The following RFK variants were observed in gnomAD, a reference collection of about 807,000 sequenced individuals.
The protein encoded by RFK is 0610038L10Rik.
Under a neutral mutation model 17.6 loss-of-function variants are expected in RFK, and 4 were observed. The observed-to-expected ratio is 0.23, with a 90% CI of 0.11 to 0.52. The LOEUF (loss-of-function observed/expected upper bound fraction) is 0.52. Ranked by LOEUF, RFK falls within the 20% of genes least tolerant of loss-of-function variation. The pLI, the probability that RFK is intolerant of heterozygous loss-of-function variation, is 0.96. For synonymous variants in RFK, 59 were observed against 63.8 expected (o/e 0.92, Z 0.36); for missense variants, 189 against 187.7 (o/e 1.01, Z -0.04).
chr9:76,392,623 G>A lies in RFK; in HGVS notation c.83-54C>T, dbSNP rs183357325. ...CTTACAAATTTCGTATTAAATGCCT[G>A]TAGCCGAGTGCAGTGGCTCATGTCT... On this transcript the variant is annotated intron_variant, in intron 1 of 3. Coordinates refer to ENST00000376736, the MANE Select transcript of RFK (RefSeq NM_018339.6). The A allele has an allele frequency of 8.6e-4, 1,342 of 1,564,700 alleles. 5 individuals are homozygous for A. Among genetic ancestry groups the A allele is most frequent in the Non-Finnish European group, 1.0e-3 (1,137 of 1,139,414 alleles).
At chr9:76,391,936 T>C (rs1336661976) in intron 2 of RFK, among the ~76,000 whole-genome samples, 8 of 145,488 alleles carry the variant, frequency 5.5e-5, no homozygotes, top group Non-Finnish European at 1.2e-4. Context: ...ACCCCATCTT[T>C]AAAAAAAAAA....
intron 1 of RFK, among the ~76,000 whole-genome samples, chr9:76,393,000 T>C (rs1439467590): frequency 7.8e-4 from 119 of 152,300 alleles, no homozygotes; most frequent in Non-Finnish European, 1.5e-5. Context: ...CCTGTAAGTA[T>C]CAATCCCATC....
rs1479713037 is a variant in RFK at position 76,387,391 on chromosome 9, A to AT, written c.*7dup. 1 of 1,600,806 alleles carries AT rather than the reference A, an allele frequency of 6.2e-7. No individual in the cohort carries two copies. Among genetic ancestry groups the AT allele is most frequent in the Non-Finnish European group, 8.5e-7 (1 of 1,173,540 alleles). On this transcript the variant is annotated 3_prime_UTR_variant, in exon 4 of 4. Coordinates refer to ENST00000376736, the MANE Select transcript of RFK (RefSeq NM_018339.6). ...AAACAGTGAATGAATAAATAATACA[A>AT]TTTTTCATCAGTGGCCATTCATTAT...
At chr9:76,387,552 A>G in intron 3 of RFK, 23 bp from the exon 4 acceptor site, 2 of 1,586,082 alleles carry the variant, frequency 1.3e-6, no homozygotes, top group Non-Finnish European at 1.7e-6. Flanking sequence ...TATACCAGGT[A>G]AAAATGATGA....
Position 76,386,822 on chromosome 9 carries a change from C to T in RFK, c.*577G>A, listed in dbSNP as rs1822739274. 2 of 152,122 alleles carry T rather than the reference C, an allele frequency of 1.3e-5. No homozygotes were observed. The highest frequency in any genetic ancestry group is 4.8e-5 in the African/African-American group (2 of 41,420). 9.4% of individuals were successfully genotyped at this position (152,122 alleles called of 1,614,324 possible). ...CAAAAATAGAAAGTCTGAGTTTCTT[C>T]CCCGCAGGTTTATGATAAACTATCA... On this transcript the variant is annotated 3_prime_UTR_variant, in exon 4 of 4. Transcript: ENST00000376736.
chr9:76,389,658 G>A (rs1822791095), intron 2 of RFK, among the ~76,000 whole-genome samples: 1 of 152,070 alleles, frequency 6.6e-6, no homozygotes, highest in African/African-American at 2.4e-5. Flanking sequence ...CTACTCAGGA[G>A]GCTGAGGCAG....
At chr9:76,390,688 T>C (rs1243480050) in intron 2 of RFK, among the ~76,000 whole-genome samples, 3 of 140,340 alleles carry the variant, frequency 2.1e-5, no homozygotes, top group African/African-American at 7.9e-5. Flanking sequence ...AACAAAACTC[T>C]GTTCTTCAAC....
intron 3 of RFK, chr9:76,388,276 C>G (rs1259606156): frequency 1.8e-6 from 1 of 555,780 alleles, no homozygotes; most frequent in Non-Finnish European, 3.4e-6. Flanking sequence ...TGGAGAGAAG[C>G]AGCCAGCCTG....
At position 76,388,652 on chromosome 9, in the gene RFK, G is replaced by A. The variant is rs1822775532; in HGVS notation, c.239C>T (p.Thr80Ile). The stretch of plus-strand genomic sequence containing the variant: ...CTCTTTGAAGGTATGCATGATATGT[G>A]TTTCCTATAGTCAAGAAATGTTACA... Reference protein sequence around the residue: ...YYKNTKKSMETHIMHTFKEDF... With the variant: ...YYKNTKKSMEIHIMHTFKEDF... Residue 80 changes from threonine to isoleucine, a missense_variant, in exon 3 of 4, where the codon ACA becomes ATA. By Grantham distance (89) the Thr-to-Ile change is moderately conservative. Around this residue, in one of 3 missense-constraint regions of RFK, gnomAD observed 95 missense variants for 95.7 expected, o/e 0.99. Coordinates refer to ENST00000376736, the MANE Select transcript of RFK (RefSeq NM_018339.6). 2 of 1,583,486 alleles carry A rather than the reference G, an allele frequency of 1.3e-6. No homozygotes were observed. The highest frequency in any genetic ancestry group is 1.7e-6 in the Non-Finnish European group (2 of 1,152,880).
rs1196806058 is a variant in RFK, at chr9:76,385,990, A to G, written c.*1409T>C. On this transcript the variant is annotated 3_prime_UTR_variant, in exon 4 of 4. Coordinates refer to ENST00000376736, the MANE Select transcript of RFK (RefSeq NM_018339.6). Reference sequence around the variant, plus strand: ...ATGTTTTTCTGAGTACTTTTTACACAGAATATTTTTATTAAAATCAGTTCT... The same window carrying G: ...ATGTTTTTCTGAGTACTTTTTACACGGAATATTTTTATTAAAATCAGTTCT... 2 of 152,246 alleles carry G rather than the reference A, an allele frequency of 1.3e-5. No homozygotes were observed. Among genetic ancestry groups the G allele is most frequent in the Non-Finnish European group, 2.9e-5 (2 of 68,042 alleles). 9.4% of individuals were successfully genotyped at this position (152,246 alleles called of 1,614,324 possible).
chr9:76,389,819 G>C (rs1050925528), intron 2 of RFK, among the ~76,000 whole-genome samples: 5 of 152,068 alleles, frequency 3.3e-5, no homozygotes, highest in African/African-American at 1.2e-4. Context: ...CCCTGACACT[G>C]ACAATTACAA....
intron 1 of RFK, 39 bp downstream of exon 1, chr9:76,394,051 G>A (rs1008769376): frequency 9.0e-6 from 14 of 1,552,698 alleles, no homozygotes; most frequent in Non-Finnish European, 1.1e-5. Context: ...CGCTCCCCAC[G>A]TGACCCGGCC....
chr9:76,391,718 TA>T (rs1222855235), intron 2 of RFK, among the ~76,000 whole-genome samples: 4 of 152,270 alleles, frequency 2.6e-5, no homozygotes, highest in East Asian at 3.9e-4. Flanking sequence ...AATAAATGCA[TA>T]AAAAAACCAA....
At chr9:76,390,331 C>T (rs929296396) in intron 2 of RFK, among the ~76,000 whole-genome samples, 1 of 152,016 alleles carries the variant, frequency 6.6e-6, no homozygotes, top group Non-Finnish European at 1.5e-5. Context: ...ATATAAAGCA[C>T]TAACTATAAA....
In RFK at chr9:76,394,201, G is replaced by C; in HGVS notation, c.-30C>G. On this transcript the variant is annotated 5_prime_UTR_variant, in exon 1 of 4. Coordinates refer to ENST00000376736, the MANE Select transcript of RFK (RefSeq NM_018339.6). ...CAGTCCGCTCGGGGAATGGGCTGCG[G>C]CCCGGTCTGCGCGTCCTGCGGAGCC... The C allele has an allele frequency of 6.4e-7, 1 of 1,558,396 alleles. No homozygotes were observed. Among genetic ancestry groups the C allele is most frequent in the East Asian group, 2.4e-5 (1 of 41,222 alleles).
intron 2 of RFK, among the ~76,000 whole-genome samples, chr9:76,390,290 T>C (rs957593201): frequency 1.3e-5 from 2 of 152,182 alleles, no homozygotes; most frequent in African/African-American, 2.4e-5. Context: ...CTTCATGACT[T>C]TGGAGTAGTC....
intron 1 of RFK, 55 bp from the exon 2 acceptor site, chr9:76,392,624 T>TA (rs1822832856): frequency 1.3e-6 from 2 of 1,564,778 alleles, no homozygotes; most frequent in South Asian, 2.2e-5. Context: ...TAAATGCCTG[T>TA]AGCCGAGTGC....
At chr9:76,392,967 T>C (rs1266714394) in intron 1 of RFK, among the ~76,000 whole-genome samples, 1 of 152,200 alleles carries the variant, frequency 6.6e-6, no homozygotes. Context: ...AATCATTACA[T>C]TCACAAGACT....
intron 2 of RFK, among the ~76,000 whole-genome samples, chr9:76,391,669 G>A (rs974076318): frequency 2.0e-5 from 3 of 152,034 alleles, no homozygotes; most frequent in Non-Finnish European, 2.9e-5. Context: ...TATAATTTTG[G>A]TTTGTAACTC....
Sources: gnomAD v4.1 joint callset for allele counts (sites outside exome capture counted in the v4.1 genomes callset) on GRCh38, gnomAD v4.1.1 for gene constraint, gnomAD v4.1.1 regional missense constraint, MANE v1.5 for transcripts, NCBI Gene and HGNC (gene_info 2026-07-23, HGNC 2026-07-21) for gene names.